GARIN1B: variants seen among roughly 807,000 people sequenced by gnomAD.
GARIN1B encodes the protein Golgi-associated RAB2 interactor protein 1B.
chr7:128,727,022 T>C, the GARIN1B span: 2 of 663,574 alleles, frequency 3.0e-6, no homozygotes, highest in Non-Finnish European at 5.2e-6. Context: ...TTAGGCTCTC[T>C]GGCCACCACA....
chr7:128,709,750 CTTT>C, the GARIN1B span, among the ~76,000 whole-genome samples: 20,656 of 114,810 alleles, frequency 0.18, 1,983 homozygotes, highest in East Asian at 0.37. Context: ...CTCTCTCTCT[CTTT>C]TTTTTTTTTT....
At chr7:128,725,236 C>T in the GARIN1B span, among the ~76,000 whole-genome samples, 2 of 152,290 alleles carry the variant, frequency 1.3e-5, no homozygotes, top group South Asian at 4.1e-4. Flanking sequence ...AATTAAGGAA[C>T]TTCTCGATGA....
At chr7:128,722,578 G>T in the GARIN1B span, among the ~76,000 whole-genome samples, 1 of 152,102 alleles carries the variant, frequency 6.6e-6, no homozygotes, top group Non-Finnish European at 1.5e-5. Flanking sequence ...GGCCAAGGTG[G>T]GCAGATCACG....
At chr7:128,713,485 G>A in the GARIN1B span, among the ~76,000 whole-genome samples, 8 of 152,226 alleles carry the variant, frequency 5.3e-5, no homozygotes, top group Admixed American at 2.0e-4. Flanking sequence ...TCATTCTCTC[G>A]TGCAGGCTTG....
the GARIN1B span, chr7:128,724,993 C>T: frequency 0.047 from 34,711 of 736,428 alleles, 1,001 homozygotes; most frequent in Middle Eastern, 0.074. Context: ...ATAGTGCCAA[C>T]GCCATCCAGA....
the GARIN1B span, chr7:128,718,864 ATG>A: frequency 1.2e-6 from 2 of 1,614,222 alleles, no homozygotes; most frequent in Admixed American, 3.3e-5. Flanking sequence ...AGCTCCAGGT[ATG>A]TGACCACTAT....
At chr7:128,709,463 G>C in the GARIN1B span, among the ~76,000 whole-genome samples, 1 of 152,116 alleles carries the variant, frequency 6.6e-6, no homozygotes, top group Non-Finnish European at 1.5e-5. Flanking sequence ...TTAGTGTTTT[G>C]AGATTATTTT....
At chr7:128,715,639 A>G in the GARIN1B span, 2 of 1,614,202 alleles carry the variant, frequency 1.2e-6, no homozygotes, top group Non-Finnish European at 1.7e-6. Flanking sequence ...TTCATTCTCC[A>G]GAATTCAACC....
chr7:128,711,089 A>G, the GARIN1B span, among the ~76,000 whole-genome samples: 9 of 152,114 alleles, frequency 5.9e-5, no homozygotes, highest in Non-Finnish European at 1.0e-4. Context: ...GTCTTGTCAA[A>G]TATTTTCTTC....
chr7:128,729,981 G>T, the GARIN1B span: 1 of 1,614,154 alleles, frequency 6.2e-7, no homozygotes, highest in African/African-American at 1.3e-5. Context: ...ACGGAGAGTG[G>T]GAAAGAGAGA....
the GARIN1B span, chr7:128,726,823 T>C: frequency 1.2e-6 from 2 of 1,614,010 alleles, no homozygotes. Context: ...CTGAAATGGC[T>C]CGAGTTTCAG....
the GARIN1B span, among the ~76,000 whole-genome samples, chr7:128,724,436 T>G: frequency 6.6e-6 from 1 of 152,202 alleles, no homozygotes; most frequent in African/African-American, 2.4e-5. Context: ...TTGGACTTTA[T>G]GGAGCTTCTG....
chr7:128,717,421 TG>T, the GARIN1B span, among the ~76,000 whole-genome samples: 1 of 150,916 alleles, frequency 6.6e-6, no homozygotes, highest in Non-Finnish European at 1.5e-5. Context: ...CAGTTTTCTT[TG>T]TCTTTTTCTT....
the GARIN1B span, among the ~76,000 whole-genome samples, chr7:128,712,842 G>T: frequency 6.6e-6 from 1 of 152,144 alleles, no homozygotes; most frequent in African/African-American, 2.4e-5. Context: ...CTAATTTCCT[G>T]TAAATTAACC....
the GARIN1B span, among the ~76,000 whole-genome samples, chr7:128,714,406 G>A: frequency 6.6e-6 from 1 of 151,952 alleles, no homozygotes; most frequent in African/African-American, 2.4e-5. Flanking sequence ...GAGAAACCCT[G>A]TCTCTACTAA....
At chr7:128,715,661 T>G in the GARIN1B span, 1 of 1,614,122 alleles carries the variant, frequency 6.2e-7, no homozygotes, top group Non-Finnish European at 8.5e-7. Flanking sequence ...GTTTCTTGAC[T>G]CCGTGGTGTT....
At chr7:128,721,202 G>T in the GARIN1B span, among the ~76,000 whole-genome samples, 1 of 152,034 alleles carries the variant, frequency 6.6e-6, no homozygotes, top group East Asian at 1.9e-4. Flanking sequence ...TGCCCAGGTT[G>T]GTCTTGAGCT....
At chr7:128,721,814 TG>T in the GARIN1B span, among the ~76,000 whole-genome samples, 3 of 152,210 alleles carry the variant, frequency 2.0e-5, no homozygotes, top group African/African-American at 4.8e-5. Flanking sequence ...TCATCATGAA[TG>T]GGTATTAGAT....
At chr7:128,720,898 A>T in the GARIN1B span, among the ~76,000 whole-genome samples, 1 of 152,162 alleles carries the variant, frequency 6.6e-6, no homozygotes, top group African/African-American at 2.4e-5. Flanking sequence ...TGGGTGATAT[A>T]AGTCTTCTAA....
Sources: gnomAD v4.1 joint callset for allele counts (sites outside exome capture counted in the v4.1 genomes callset) on GRCh38, gnomAD v4.1.1 for gene constraint, MANE v1.5 for transcripts, NCBI Gene and HGNC (gene_info 2026-07-23, HGNC 2026-07-21) for gene names.